The following SH3RF1 variants were observed in gnomAD, a reference collection of about 807,000 sequenced individuals.
The protein encoded by SH3RF1 is E3 ubiquitin-protein ligase SH3RF1.
Under a neutral mutation model 74.0 loss-of-function variants are expected in SH3RF1, and 32 were observed. That is an observed-to-expected ratio of 0.43 (90% CI 0.33 to 0.58). SH3RF1 has a LOEUF of 0.58. Among genes scored for constraint, SH3RF1 ranks in the 20% least tolerant of loss-of-function variants. SH3RF1 has a pLI of 0.05. For synonymous variants in SH3RF1, 396 were observed against 439.6 expected (o/e 0.90, Z 1.24); for missense variants, 954 against 1,130.9 (o/e 0.84, Z 2.24).
chr4:169,156,450 T>G lies in SH3RF1; in HGVS notation c.623A>C (p.Glu208Ala). 1 of 1,604,538 alleles carries G rather than the reference T, an allele frequency of 6.2e-7. No homozygotes were observed. Among genetic ancestry groups the G allele is most frequent in the South Asian group, 1.1e-5 (1 of 90,410 alleles). ...TTTGTCTGCTTCCTTGTCTTTCACTTCAAAGTCATAAAGTGCTTTGCACTG... is the reference window on the plus strand; with the variant it reads ...TTTGTCTGCTTCCTTGTCTTTCACTGCAAAGTCATAAAGTGCTTTGCACTG... ...PPQCKALYDF[E>A]VKDKEADKDC... Residue 208 changes from glutamate (E) to alanine (A), a missense_variant, in exon 3 of 12, where the codon GAA becomes GCA. By Grantham distance (107) the Glu-to-Ala change is moderately radical. Around this residue, in one of 3 missense-constraint regions of SH3RF1, gnomAD observed 854 missense variants for 962.5 expected, o/e 0.89. Coordinates refer to ENST00000284637, the MANE Select transcript of SH3RF1 (RefSeq NM_020870.4).
intron 6 of SH3RF1, among the ~76,000 whole-genome samples, chr4:169,123,219 C>CTT (rs1441362557): frequency 6.6e-6 from 1 of 151,708 alleles, no homozygotes; most frequent in African/African-American, 2.4e-5. Context: ...CTAAACAGAG[C>CTT]TTATACCAGT....
At chr4:169,116,228 AG>A (rs1733328919) in intron 10 of SH3RF1, 40 bp downstream of exon 10, 1 of 1,542,528 alleles carries the variant, frequency 6.5e-7, no homozygotes. Flanking sequence ...AAAACAGGGA[AG>A]TAAGTAAAGC....
At chr4:169,124,340 A>T (rs1356600241) in intron 6 of SH3RF1, among the ~76,000 whole-genome samples, 1 of 152,242 alleles carries the variant, frequency 6.6e-6, no homozygotes, top group East Asian at 1.9e-4. Context: ...TGCACCTGAT[A>T]AAAACATGTC....
intron 5 of SH3RF1, among the ~76,000 whole-genome samples, chr4:169,134,007 C>T (rs1434250447): frequency 6.6e-6 from 1 of 152,146 alleles, no homozygotes; most frequent in African/African-American, 2.4e-5. Context: ...AGTTTTTGCA[C>T]GTCACAAATG....
intron 4 of SH3RF1, among the ~76,000 whole-genome samples, chr4:169,139,786 T>C (rs1193555914): frequency 6.6e-6 from 1 of 152,166 alleles, no homozygotes; most frequent in Non-Finnish European, 1.5e-5. Flanking sequence ...ACAGTTCTAG[T>C]CCTAGCACAG....
At chr4:169,152,002 CT>C in intron 4 of SH3RF1, among the ~76,000 whole-genome samples, 1 of 152,280 alleles carries the variant, frequency 6.6e-6, no homozygotes, top group East Asian at 1.9e-4. Flanking sequence ...ATCTTTCCTT[CT>C]ATTTTACAGA....
At chr4:169,137,773 G>A (rs888159835) in intron 4 of SH3RF1, among the ~76,000 whole-genome samples, 3 of 152,250 alleles carry the variant, frequency 2.0e-5, no homozygotes, top group African/African-American at 7.2e-5. Context: ...TGGAACAACC[G>A]CTTCCTCACA....
chr4:169,245,387 A>C (rs1343009021), intron 2 of SH3RF1, among the ~76,000 whole-genome samples: 1 of 152,254 alleles, frequency 6.6e-6, no homozygotes, highest in African/African-American at 2.4e-5. Flanking sequence ...AACAAAAGCC[A>C]TGTTGACCAA....
intron 5 of SH3RF1, among the ~76,000 whole-genome samples, chr4:169,134,727 G>A (rs1430703908): frequency 6.6e-6 from 1 of 152,134 alleles, no homozygotes; most frequent in Non-Finnish European, 1.5e-5. Context: ...ACACGGATAT[G>A]ATTAGTTAAA....
intron 1 of SH3RF1, chr4:169,269,977 C>A (rs572766280): frequency 1.7e-4 from 26 of 152,326 alleles, no homozygotes; most frequent in African/African-American, 6.3e-4. Flanking sequence ...TCTGAACGGC[C>A]TGTCCTAATC....
chr4:169,243,956 T>C (rs747244062), intron 2 of SH3RF1, among the ~76,000 whole-genome samples: 1 of 152,342 alleles, frequency 6.6e-6, no homozygotes, highest in Non-Finnish European at 1.5e-5. Flanking sequence ...CAAGCTACCC[T>C]GGAGTTGCCA....
intron 2 of SH3RF1, among the ~76,000 whole-genome samples, chr4:169,206,994 C>T (rs1452798144): frequency 6.6e-6 from 1 of 151,810 alleles, no homozygotes; most frequent in East Asian, 1.9e-4. Flanking sequence ...GGGTTTCACT[C>T]GTCACCCAGG....
chr4:169,178,055 A>G (rs957236852), intron 2 of SH3RF1, among the ~76,000 whole-genome samples: 2 of 151,894 alleles, frequency 1.3e-5, no homozygotes, highest in Admixed American at 1.3e-4. Context: ...AGCCTGGCCA[A>G]CATGGTGAAA....
intron 4 of SH3RF1, among the ~76,000 whole-genome samples, chr4:169,147,964 TAAA>T (rs2126960660): frequency 1.3e-5 from 2 of 152,108 alleles, no homozygotes; most frequent in East Asian, 3.9e-4. Context: ...ATAATAAAAA[TAAA>T]AAGTTGAAAA....
At chr4:169,172,252 T>C (rs144286616) in intron 2 of SH3RF1, among the ~76,000 whole-genome samples, 53 of 152,340 alleles carry the variant, frequency 3.5e-4, no homozygotes, top group African/African-American at 1.0e-3. Flanking sequence ...GAATGAGTAG[T>C]AGAAGAAGGC....
At chr4:169,154,850 C>T (rs567092675) in intron 4 of SH3RF1, among the ~76,000 whole-genome samples, 2 of 152,144 alleles carry the variant, frequency 1.3e-5, no homozygotes, top group Non-Finnish European at 2.9e-5. Context: ...TGAATTGTAA[C>T]TCCTTTATGT....
rs749704174 is a variant in SH3RF1 at position 169,116,534 on chromosome 4, T to C, written c.1874A>G (p.His625Arg). 28 of 1,612,824 alleles carry C rather than the reference T, an allele frequency of 1.7e-5. No individual in the cohort carries two copies. In the African/African-American group the frequency reaches 3.2e-4, roughly 18 times the overall value. ...GLSPASVGLS[H>R]HSLASPQPAP... is the part of the protein sequence containing the mutation. ...AGGTTGTGGGGAGGCCAGCGAGTGA[T>C]GGGACAGGCCCACAGATGCAGGGCT... Residue 625 changes from histidine (H) to arginine (R), a missense_variant, in exon 10 of 12, where the codon CAT becomes CGT. This residue lies in a region of SH3RF1 where 854 missense variants were observed against 962.5 expected (regional missense o/e 0.89). Transcript: ENST00000284637.
chr4:169,239,700 A>T (rs1730875056), intron 2 of SH3RF1, among the ~76,000 whole-genome samples: 1 of 152,194 alleles, frequency 6.6e-6, no homozygotes, highest in Non-Finnish European at 1.5e-5. Flanking sequence ...CACAAGATGT[A>T]CCACAAGATT....
intron 2 of SH3RF1, among the ~76,000 whole-genome samples, chr4:169,229,859 T>C (rs1014146190): frequency 2.0e-5 from 3 of 152,104 alleles, no homozygotes; most frequent in Admixed American, 6.5e-5. Flanking sequence ...ACAACACAAA[T>C]ATGAAAAGGC....
Sources: allele counts gnomAD v4.1 joint callset (sites outside exome capture counted in the v4.1 genomes callset), GRCh38; gene constraint gnomAD v4.1.1; regional missense constraint gnomAD v4.1.1; transcripts MANE v1.5; gene names NCBI Gene and HGNC (gene_info 2026-07-23, HGNC 2026-07-21).